TRHDE: variants seen among roughly 807,000 people sequenced by gnomAD.
TRHDE encodes thyrotropin-releasing hormone-degrading ectoenzyme.
A neutral mutation model predicts 125.7 loss-of-function variants in TRHDE; 72 were observed. That is an observed-to-expected ratio of 0.57 (90% confidence interval 0.47 to 0.70). The LOEUF (loss-of-function observed/expected upper bound fraction) is 0.70, where lower values mean the gene tolerates loss of function less well. TRHDE is among the 30% of genes least tolerant of loss of function. The probability of loss-of-function intolerance (pLI) is 0.00; values close to 1 mark genes in which losing one functional copy is unlikely to be tolerated. For missense variants in TRHDE, 1,110 were observed against 1,327.1 expected (o/e 0.84, Z 2.54); for synonymous variants, 509 against 509.1 (o/e 1.00, Z 0.00).
chr12:72,654,004 A>C (rs773353650), intron 17 of TRHDE, among the ~76,000 whole-genome samples: 3 of 152,146 alleles, frequency 2.0e-5, no homozygotes, highest in Non-Finnish European at 4.4e-5. Context: ...CATTGTCAGA[A>C]AACACTGATA....
chr12:72,621,294 A>G (rs989216804), intron 14 of TRHDE, 89 bp downstream of exon 14: 3 of 842,012 alleles, frequency 3.6e-6, no homozygotes, highest in African/African-American at 3.5e-5. Context: ...GCTGCATGAG[A>G]CAATCTTCCT....
At chr12:72,584,121 C>A (rs559747925) in intron 12 of TRHDE, among the ~76,000 whole-genome samples, 1 of 151,978 alleles carries the variant, frequency 6.6e-6, no homozygotes, top group African/African-American at 2.4e-5. Flanking sequence ...TGCATTAAAT[C>A]AAAAGCAAAT....
chr12:72,635,510 G>T (rs1873701921), intron 15 of TRHDE, among the ~76,000 whole-genome samples: 1 of 152,190 alleles, frequency 6.6e-6, no homozygotes, highest in African/African-American at 2.4e-5. Flanking sequence ...AGTTTAATGA[G>T]ATCCCATTTG....
At chr12:72,402,122 G>A (rs1873069598) in intron 3 of TRHDE, among the ~76,000 whole-genome samples, 1 of 152,116 alleles carries the variant, frequency 6.6e-6, no homozygotes, top group Admixed American at 6.6e-5. Context: ...AGATCAAGGT[G>A]TTGGTAGGAT....
chr12:72,093,000 G>T (rs1232443241), intron 1 of TRHDE, among the ~76,000 whole-genome samples: 1 of 152,222 alleles, frequency 6.6e-6, no homozygotes, highest in Non-Finnish European at 1.5e-5. Flanking sequence ...TCCCCTGTGA[G>T]AAGGAGATTA....
chr12:72,494,739 A>G (rs1200255773), intron 5 of TRHDE, among the ~76,000 whole-genome samples: 2 of 152,098 alleles, frequency 1.3e-5, no homozygotes, highest in Non-Finnish European at 2.9e-5. Flanking sequence ...ATGCTGTGAT[A>G]AGAACTATTA....
intron 2 of TRHDE, among the ~76,000 whole-genome samples, chr12:72,361,719 C>A (rs1036147349): frequency 5.5e-5 from 8 of 145,132 alleles, no homozygotes; most frequent in South Asian, 2.3e-4. Context: ...CACCTCCCCC[C>A]ACCCCACAAC....
chr12:72,273,144 C>G lies in TRHDE; in HGVS notation c.501C>G (p.Ala167=). The change falls in exon 1 of 19, where the codon GCC becomes GCG. Residue 167 remains alanine, a synonymous_variant. Transcript: ENST00000261180. This position sits in a 1 kb window ranked among gnomAD's most constrained non-coding sequence, Gnocchi z 5.3. The part of the protein sequence containing the change: ...GGVASPGTTS[A]QPPSEEEREP... The stretch of plus-strand genomic sequence containing the variant: ...TGGCCAGTCCGGGGACCACGTCGGC[C>G]CAGCCGCCGTCGGAGGAGGAGCGGG... 6.4e-7 allele frequency: 1 copy of G among 1,565,564 alleles called. No homozygotes were observed. The highest frequency in any genetic ancestry group is 2.3e-5 in the East Asian group (1 of 43,748).
At chr12:72,124,947 A>G (rs1875678519) in intron 2 of TRHDE, among the ~76,000 whole-genome samples, 1 of 152,190 alleles carries the variant, frequency 6.6e-6, no homozygotes, top group East Asian at 1.9e-4. Context: ...GTAACAAAAG[A>G]TATGAACTTT....
At chr12:72,642,208 AG>A (rs1278969906) in intron 15 of TRHDE, among the ~76,000 whole-genome samples, 2 of 152,314 alleles carry the variant, frequency 1.3e-5, no homozygotes, top group African/African-American at 4.8e-5. Context: ...GTTCAGACTA[AG>A]GCAGCCATCA....
intron 12 of TRHDE, among the ~76,000 whole-genome samples, chr12:72,584,331 G>A (rs1391173480): frequency 1.3e-5 from 2 of 151,998 alleles, no homozygotes; most frequent in Non-Finnish European, 2.9e-5. Context: ...AAGTTTTGAA[G>A]TATATGTATG....
chr12:72,091,583 A>G (rs1414585833), intron 1 of TRHDE, among the ~76,000 whole-genome samples: 1 of 152,190 alleles, frequency 6.6e-6, no homozygotes, highest in Non-Finnish European at 1.5e-5. Context: ...AAGGGTGTGC[A>G]CGTGACCCAG....
At chr12:72,245,391 C>T (rs1049501497) in intron 2 of TRHDE, among the ~76,000 whole-genome samples, 2 of 151,930 alleles carry the variant, frequency 1.3e-5, no homozygotes, top group Admixed American at 1.3e-4. Flanking sequence ...TCTCCAGCTA[C>T]TCACTTTCCA....
chr12:72,255,309 C>T (rs1009497751), intron 2 of TRHDE: 1 of 152,244 alleles, frequency 6.6e-6, no homozygotes, highest in African/African-American at 2.4e-5. Context: ...CTTCTGTCCA[C>T]TGCGTCCTCA....
At chr12:72,300,664 TACAC>T (rs971645579) in intron 2 of TRHDE, among the ~76,000 whole-genome samples, 2 of 151,536 alleles carry the variant, frequency 1.3e-5, no homozygotes, top group African/African-American at 4.9e-5. Context: ...AGTATGTATA[TACAC>T]ACACACATAT....
chr12:72,130,295 A>G (rs1056775504), intron 2 of TRHDE, among the ~76,000 whole-genome samples: 2 of 152,200 alleles, frequency 1.3e-5, no homozygotes, highest in Admixed American at 6.5e-5. Context: ...AGAGAAAAAG[A>G]AAAACAAAAG....
intron 2 of TRHDE, among the ~76,000 whole-genome samples, chr12:72,197,829 A>G (rs1436925291): frequency 6.6e-6 from 1 of 151,894 alleles, no homozygotes; most frequent in African/African-American, 2.4e-5. Context: ...TGGCCATCAT[A>G]TTTTCTAGGT....
chr12:72,216,264 G>A (rs1522732), intron 2 of TRHDE, among the ~76,000 whole-genome samples: 1 of 151,970 alleles, frequency 6.6e-6, no homozygotes, highest in African/African-American at 2.4e-5. Context: ...TTCATGTGTA[G>A]TTACTAAAGC....
At chr12:72,476,076 C>T (rs371255148) in intron 5 of TRHDE, among the ~76,000 whole-genome samples, 11 of 151,950 alleles carry the variant, frequency 7.2e-5, no homozygotes, top group Non-Finnish European at 7.4e-5. Context: ...GCCACCACGC[C>T]GGGCTAATTT....
Sources: gnomAD v4.1 joint callset for allele counts (sites outside exome capture counted in the v4.1 genomes callset) on GRCh38, gnomAD v4.1.1 for gene constraint, Gnocchi (gnomAD v3.1) non-coding constraint, MANE v1.5 for transcripts, NCBI Gene and HGNC (gene_info 2026-07-23, HGNC 2026-07-21) for gene names.